TBC1D32: variants seen among roughly 807,000 people sequenced by gnomAD.
The protein encoded by TBC1D32 is TBC1 domain family member 32, also known as protein broad-minded.
Under a neutral mutation model 170.3 loss-of-function variants are expected in TBC1D32, and 151 were observed. The observed-to-expected ratio is 0.89, with a 90% CI of 0.78 to 1.01. The LOEUF is 1.01. Ranked by LOEUF, TBC1D32 falls within the 50% of genes least tolerant of loss-of-function variation. The probability of loss-of-function intolerance (pLI) is 0.00; values close to 1 mark genes in which losing one functional copy is unlikely to be tolerated. For synonymous variants in TBC1D32, 498 were observed against 488.0 expected, an observed-to-expected ratio of 1.02 and a Z score of -0.27; for missense variants, 1,464 against 1,457.1, an observed-to-expected ratio of 1.00 and a Z score of -0.08.
chr6:121,281,712 T>C, intron 13 of TBC1D32, 26 bp from the exon 14 acceptor site: 1 of 1,533,100 alleles, frequency 6.5e-7, no homozygotes. Flanking sequence ...TATTTTTTAA[T>C]ACCAAAACAT....
chr6:121,267,939 C>T (rs962083527), intron 15 of TBC1D32, among the ~76,000 whole-genome samples: 5 of 152,218 alleles, frequency 3.3e-5, no homozygotes, highest in African/African-American at 1.2e-4. Context: ...GCAACATTTG[C>T]CATTCTGCAA....
At chr6:121,263,670 C>T (rs1403574752) in intron 15 of TBC1D32, among the ~76,000 whole-genome samples, 4 of 152,192 alleles carry the variant, frequency 2.6e-5, no homozygotes, top group African/African-American at 9.7e-5. Flanking sequence ...ATGGCACTTA[C>T]TTTAAAATCA....
At chr6:121,082,158 TGAG>T (rs1775706943) in intron 31 of TBC1D32, among the ~76,000 whole-genome samples, 1 of 151,922 alleles carries the variant, frequency 6.6e-6, no homozygotes. Flanking sequence ...CGAAGATGAG[TGAG>T]AAGAGCCCTG....
intron 15 of TBC1D32, among the ~76,000 whole-genome samples, chr6:121,262,508 G>A (rs570411641): frequency 1.7e-4 from 26 of 149,008 alleles, no homozygotes; most frequent in Middle Eastern, 6.9e-3. Flanking sequence ...ACAGAGTCTC[G>A]CTCTGTCACC....
chr6:121,286,043 C>A (rs1244319060), intron 12 of TBC1D32, among the ~76,000 whole-genome samples: 5 of 152,134 alleles, frequency 3.3e-5, no homozygotes, highest in African/African-American at 1.2e-4. Flanking sequence ...GGGGAAAAAA[C>A]AGAGGAGAAA....
intron 24 of TBC1D32, among the ~76,000 whole-genome samples, chr6:121,150,633 T>C (rs1245200757): frequency 6.6e-6 from 1 of 152,204 alleles, no homozygotes; most frequent in Non-Finnish European, 1.5e-5. Flanking sequence ...CATCTGGTCC[T>C]GGGCTTATTT....
chr6:121,171,047 G>A (rs946644292), intron 22 of TBC1D32, among the ~76,000 whole-genome samples: 1 of 151,850 alleles, frequency 6.6e-6, no homozygotes, highest in Non-Finnish European at 1.5e-5. Flanking sequence ...GAAATCATGT[G>A]TCTCCTATTA....
chr6:121,215,848 G>A (rs1693326448), intron 21 of TBC1D32, among the ~76,000 whole-genome samples: 1 of 152,162 alleles, frequency 6.6e-6, no homozygotes, highest in African/African-American at 2.4e-5. Context: ...AAGTAAAAGA[G>A]TAACAGATGA....
intron 10 of TBC1D32, among the ~76,000 whole-genome samples, chr6:121,296,980 T>C (rs750641191): frequency 6.6e-6 from 1 of 152,098 alleles, no homozygotes; most frequent in Non-Finnish European, 1.5e-5. Context: ...CATCCATTAC[T>C]ACCCAGCTTT....
At position 121,303,712 on chromosome 6, in the gene TBC1D32, G is replaced by C. The variant is rs544736064; in HGVS notation, c.985C>G (p.His329Asp). The C allele has an allele frequency of 1.4e-5, 23 of 1,591,552 alleles. No homozygotes were observed. In the East Asian group the frequency reaches 5.2e-4, roughly 36 times the overall value. The change falls in exon 9 of 32, where the codon CAT becomes GAT. Residue 329 changes from histidine (H) to aspartate (D), a missense_variant. By Grantham distance (81) the His-to-Asp change is moderately conservative. Transcript: ENST00000398212. ...ESTLSLLTVK[H>D]NQSHVVSQKI... ...TGTGAGACAACATGGCTTTGATTAT[G>C]TTTAACTGTTAACAAGGACAAAGTA...
chr6:121,293,805 G>A (rs532599847), intron 11 of TBC1D32, among the ~76,000 whole-genome samples: 24 of 152,196 alleles, frequency 1.6e-4, no homozygotes, highest in African/African-American at 5.5e-4. Flanking sequence ...CAGCTACTTG[G>A]GAGGCTGAGG....
intron 10 of TBC1D32, among the ~76,000 whole-genome samples, chr6:121,295,460 A>C (rs888535299): frequency 6.6e-6 from 1 of 152,154 alleles, no homozygotes; most frequent in Non-Finnish European, 1.5e-5. Context: ...GGCAGTTAGC[A>C]TAATTTTTAT....
At position 121,226,842 on chromosome 6, in the gene TBC1D32, T is replaced by C. The variant is rs565362476; in HGVS notation, c.2365-3490A>G. On this transcript the variant is annotated intron_variant, in intron 20 of 31. Coordinates refer to ENST00000398212, the MANE Select transcript of TBC1D32 (RefSeq NM_152730.6). Reference sequence around the variant, plus strand: ...AGCACTTACTTTTGGCCAAATGCTATAGTATCAATATTTATACACATTATC... The same window carrying C: ...AGCACTTACTTTTGGCCAAATGCTACAGTATCAATATTTATACACATTATC... 6.6e-5 allele frequency among the ~76,000 whole-genome samples: 10 copies of C among 152,244 alleles called. No individual in the cohort carries two copies. The East Asian group carries it at 1.7e-3, about 26-fold the overall frequency.
intron 1 of TBC1D32, among the ~76,000 whole-genome samples, chr6:121,323,491 T>C (rs533963016): frequency 6.6e-5 from 10 of 152,232 alleles, no homozygotes; most frequent in Non-Finnish European, 1.5e-4. Context: ...TTTATAACAA[T>C]TGGCTGCCTA....
At chr6:121,305,713 T>C (rs1028186944) in intron 5 of TBC1D32, among the ~76,000 whole-genome samples, 5 of 152,106 alleles carry the variant, frequency 3.3e-5, no homozygotes, top group African/African-American at 9.7e-5. Context: ...GTATCTGTCA[T>C]ACTTTTCAAC....
At chr6:121,187,608 A>G (rs978734961) in intron 22 of TBC1D32, among the ~76,000 whole-genome samples, 2 of 151,940 alleles carry the variant, frequency 1.3e-5, no homozygotes, top group Non-Finnish European at 2.9e-5. Context: ...ATCTCTTCCT[A>G]CTGAGAAAGT....
intron 24 of TBC1D32, among the ~76,000 whole-genome samples, chr6:121,153,331 A>G (rs114268080): frequency 4.7e-4 from 72 of 152,282 alleles, no homozygotes; most frequent in African/African-American, 1.7e-3. Flanking sequence ...AGGTTGCAGA[A>G]CAGCAAAGAT....
intron 1 of TBC1D32, among the ~76,000 whole-genome samples, chr6:121,330,522 A>T (rs996551109): frequency 2.0e-5 from 3 of 152,196 alleles, no homozygotes; most frequent in Non-Finnish European, 2.9e-5. Flanking sequence ...GAGACTGTTA[A>T]AATCATTAGA....
intron 15 of TBC1D32, among the ~76,000 whole-genome samples, chr6:121,264,769 A>G (rs531368509): frequency 1.3e-5 from 2 of 152,318 alleles, no homozygotes; most frequent in East Asian, 3.9e-4. Context: ...ACATACACAA[A>G]TCAATAAACA....
Sources: gnomAD v4.1 joint callset for allele counts (sites outside exome capture counted in the v4.1 genomes callset) on GRCh38, gnomAD v4.1.1 for gene constraint, MANE v1.5 for transcripts, NCBI Gene and HGNC (gene_info 2026-07-23, HGNC 2026-07-21) for gene names.